SMARCA2: variants seen among roughly 807,000 people sequenced by gnomAD.
SMARCA2 encodes the protein SWI/SNF related BAF chromatin remodeling complex subunit ATPase 2, also known as SWI/SNF-related matrix-associated actin-dependent regulator of chromatin subfamily A member 2.
A neutral mutation model predicts 199.8 loss-of-function variants in SMARCA2; 61 were observed. The observed-to-expected ratio is 0.31, with a 90% CI of 0.25 to 0.38. SMARCA2 has a LOEUF of 0.38. Ranked by LOEUF, SMARCA2 falls within the 10% of genes least tolerant of loss-of-function variation. SMARCA2 has a pLI of 1.00. For missense variants in SMARCA2, 1,344 were observed against 2,012.2 expected (o/e 0.67, Z 6.35); for synonymous variants, 935 against 732.0 (o/e 1.28, Z -4.48).
intron 29 of SMARCA2, among the ~76,000 whole-genome samples, chr9:2,171,579 C>G (rs1222907725): frequency 6.6e-6 from 1 of 152,230 alleles, no homozygotes; most frequent in African/African-American, 2.4e-5. Context: ...GGCACATAAA[C>G]TATAATGTCC....
Position 2,060,845 on chromosome 9 carries a change from G to T in SMARCA2, c.1551G>T (p.Leu517=). The stretch of plus-strand genomic sequence containing the variant: ...AAGATGAGGAGGGTTATAGAAAACT[G>T]ATTGATCAAAAGAAAGACAGGCGTT... ...MAEDEEGYRK[L]IDQKKDRRLA... Residue 517 remains leucine, a synonymous_variant, in exon 9 of 34, where the codon CTG becomes CTT. Coordinates refer to ENST00000349721, the MANE Select transcript of SMARCA2 (RefSeq NM_003070.5). 6.2e-7 allele frequency: 1 copy of T among 1,613,992 alleles called. No homozygotes were observed. Among genetic ancestry groups the T allele is most frequent in the South Asian group, 1.1e-5 (1 of 91,028 alleles).
At chr9:2,073,129 C>T in intron 10 of SMARCA2, 83 bp from the exon 11 acceptor site, 1 of 1,525,266 alleles carries the variant, frequency 6.6e-7, no homozygotes, top group South Asian at 1.3e-5. Context: ...TGCTGGGCAG[C>T]AAAAACTGCT....
intron 6 of SMARCA2, among the ~76,000 whole-genome samples, chr9:2,055,053 AG>A (rs1386543630): frequency 1.3e-5 from 2 of 152,222 alleles, no homozygotes; most frequent in Non-Finnish European, 2.9e-5. Flanking sequence ...TATGACTCCA[AG>A]GAAAAACCAG....
At chr9:2,066,589 A>T (rs1198338661) in intron 9 of SMARCA2, among the ~76,000 whole-genome samples, 1 of 152,230 alleles carries the variant, frequency 6.6e-6, no homozygotes, top group Non-Finnish European at 1.5e-5. Flanking sequence ...TGATTAGGTT[A>T]ATTATACTCC....
At chr9:2,175,538 A>G (rs1012875839) in intron 29 of SMARCA2, among the ~76,000 whole-genome samples, 1 of 152,174 alleles carries the variant, frequency 6.6e-6, no homozygotes, top group African/African-American at 2.4e-5. Context: ...AGTTGGTAAA[A>G]CGTGCTGCTT....
At chr9:2,068,752 A>C (rs943430126) in intron 9 of SMARCA2, among the ~76,000 whole-genome samples, 1 of 152,042 alleles carries the variant, frequency 6.6e-6, no homozygotes, top group Non-Finnish European at 1.5e-5. Flanking sequence ...TATACTATGC[A>C]GAAATAGTAT....
In SMARCA2 at chr9:2,170,511, G is replaced by A. The variant is rs762499321; in HGVS notation, c.4253+39G>A. ...TTGTATTCCCCTATCTCTAAATACA[G>A]GTATCCCTCGTTACGTGAAACAGAT... On this transcript the variant is annotated intron_variant, in intron 29 of 33. Coordinates refer to ENST00000349721, the MANE Select transcript of SMARCA2 (RefSeq NM_003070.5). This position sits in a 1 kb window ranked among gnomAD's most constrained non-coding sequence, Gnocchi z 4.7. The A allele has an allele frequency of 4.2e-5, 68 of 1,613,414 alleles. No homozygotes were observed. Among genetic ancestry groups the A allele is most frequent in the Non-Finnish European group, 5.8e-5 (68 of 1,179,804 alleles).
intron 27 of SMARCA2, among the ~76,000 whole-genome samples, chr9:2,126,013 GCA>G (rs1444063219): frequency 6.6e-6 from 1 of 152,148 alleles, no homozygotes; most frequent in Non-Finnish European, 1.5e-5. Flanking sequence ...CTGATGAGTA[GCA>G]CAGTGCCTAG....
chr9:2,114,538 A>C (rs1015761544), intron 24 of SMARCA2, among the ~76,000 whole-genome samples: 1 of 152,212 alleles, frequency 6.6e-6, no homozygotes, highest in Non-Finnish European at 1.5e-5. Flanking sequence ...TTTGCCCTAA[A>C]AATCTATACA....
intron 17 of SMARCA2, chr9:2,085,583 G>A (rs868724342): frequency 3.3e-5 from 5 of 151,958 alleles, no homozygotes; most frequent in Non-Finnish European, 4.4e-5. Context: ...GCAGTTGATT[G>A]TACAGCTTTA....
intron 1 of SMARCA2, among the ~76,000 whole-genome samples, chr9:2,021,292 C>G (rs917382451): frequency 2.0e-5 from 3 of 151,518 alleles, no homozygotes; most frequent in Non-Finnish European, 4.4e-5. Flanking sequence ...ATTGAAACTC[C>G]CTCCTTTAAA....
At position 2,115,600 on chromosome 9, in the gene SMARCA2, G is replaced by A. The variant is rs1269676893; in HGVS notation, c.3457-222G>A. 6.6e-6 allele frequency among the ~76,000 whole-genome samples: 1 copy of A among 152,180 alleles called. No individual in the cohort carries two copies. The highest frequency in any genetic ancestry group is 1.5e-5 in the Non-Finnish European group (1 of 68,022). ...ATACCTGGATTTCAAAACCTGAGAT[G>A]TATTTCAGTTGGCTTGGTTAATTTC... On this transcript the variant is annotated intron_variant, in intron 24 of 33. Transcript: ENST00000349721. This position sits in a 1 kb window ranked among gnomAD's most constrained non-coding sequence, Gnocchi z 6.0.
rs370103606 is a variant in SMARCA2 at position 2,073,646 on chromosome 9, G to T, written c.1935+23G>T. 514 of 1,559,408 alleles carry T rather than the reference G, an allele frequency of 3.3e-4. No individual in the cohort carries two copies. Among genetic ancestry groups the T allele is most frequent in the Non-Finnish European group, 4.3e-4 (492 of 1,131,730 alleles). On this transcript the variant is annotated intron_variant, in intron 12 of 33. Transcript: ENST00000349721. ...GAGGTATGTATGTATCTCTGTTTGG[G>T]GTTTATTGGTTTGAAAGTTATCAGA...
chr9:2,071,420 ACAACT>A (rs1821083038), intron 10 of SMARCA2, among the ~76,000 whole-genome samples: 1 of 152,222 alleles, frequency 6.6e-6, no homozygotes. Flanking sequence ...GCACTTAGAA[ACAACT>A]CTAATTTGCA....
At chr9:2,135,228 A>C (rs1169664158) in intron 27 of SMARCA2, among the ~76,000 whole-genome samples, 2 of 152,236 alleles carry the variant, frequency 1.3e-5, no homozygotes, top group Non-Finnish European at 2.9e-5. Context: ...AGCTCAAGAA[A>C]AGAAGGAATT....
In SMARCA2 at chr9:2,060,982, A is replaced by G. The variant is rs1208316807; in HGVS notation, c.1688A>G (p.Lys563Arg). The G allele has an allele frequency of 1.2e-6, 2 of 1,613,436 alleles. No individual in the cohort carries two copies. Among genetic ancestry groups the G allele is most frequent in the South Asian group, 1.1e-5 (1 of 90,996 alleles). Residue 563 changes from lysine to arginine, a missense_variant, in exon 9 of 34, where the codon AAG becomes AGG. This residue lies in a region of SMARCA2 where 68 missense variants were observed against 70.4 expected (regional missense o/e 0.97). Transcript: ENST00000349721. ...AKEKKKRRRR[K>R]KKAEENAEGG... Reference sequence around the variant, plus strand: ...GAGAAGAAGAAGAGGAGGAGGAGGAAGAAGGTGCGTATCCTAGTGGTGGTG... The same window carrying G: ...GAGAAGAAGAAGAGGAGGAGGAGGAGGAAGGTGCGTATCCTAGTGGTGGTG...
chr9:2,083,739 T>A (rs983476959), intron 16 of SMARCA2, among the ~76,000 whole-genome samples: 1 of 152,252 alleles, frequency 6.6e-6, no homozygotes, highest in Non-Finnish European at 1.5e-5. Context: ...TCCTGCAAAG[T>A]CAGGCAATTA....
chr9:2,123,527 G>C lies in SMARCA2; in HGVS notation c.3763-192G>C, dbSNP rs977500525. ...GTTTCAAAAGGTGGGTACAGAAAAA[G>C]GGAGGGGATTTTACTTAATGGAATC... On this transcript the variant is annotated intron_variant, in intron 26 of 33. Transcript: ENST00000349721. The surrounding 1 kb of genome is among the most constrained non-coding windows in gnomAD (Gnocchi z 4.1). Among the ~76,000 whole-genome samples the C allele has an allele frequency of 1.3e-5, 2 of 152,182 alleles. No individual in the cohort carries two copies. The highest frequency in any genetic ancestry group is 2.9e-5 in the Non-Finnish European group (2 of 68,028).
chr9:2,019,623 T>G (rs1485495642), intron 1 of SMARCA2, among the ~76,000 whole-genome samples: 3 of 152,176 alleles, frequency 2.0e-5, no homozygotes, highest in Non-Finnish European at 2.9e-5. Flanking sequence ...AAAATTTTTT[T>G]CTTTTATTAA....
Sources: gnomAD v4.1 joint callset for allele counts (sites outside exome capture counted in the v4.1 genomes callset) on GRCh38, gnomAD v4.1.1 for gene constraint, gnomAD v4.1.1 regional missense constraint, Gnocchi (gnomAD v3.1) non-coding constraint, MANE v1.5 for transcripts, NCBI Gene and HGNC (gene_info 2026-07-23, HGNC 2026-07-21) for gene names.